Variants in C2CD2 observed in about 807,000 individuals in gnomAD.
C2CD2 encodes the protein C2 calcium dependent domain containing 2, also known as C2 domain-containing protein 2.
Under a neutral mutation model 74.3 loss-of-function variants are expected in C2CD2, and 43 were observed. That is an observed-to-expected ratio of 0.58 (90% CI 0.45 to 0.75). The LOEUF is 0.75. C2CD2 is among the 30% of genes least tolerant of loss of function. The probability of loss-of-function intolerance (pLI) is 0.00; values close to 1 mark genes in which losing one functional copy is unlikely to be tolerated. For missense variants in C2CD2, 801 were observed against 916.3 expected, an observed-to-expected ratio of 0.87 and a Z score of 1.63; for synonymous variants, 422 against 390.7, an observed-to-expected ratio of 1.08 and a Z score of -0.94.
At chr21:41,922,159 TCTTC>T in intron 2 of C2CD2, 74 bp from the exon 3 acceptor site, 3 of 776,790 alleles carry the variant, frequency 3.9e-6, no homozygotes, top group South Asian at 1.7e-5. Context: ...ATCTTCTTCT[TCTTC>T]TTTTTTTTTT....
At chr21:41,947,145 C>CCTCT (rs2065406984) in intron 1 of C2CD2, among the ~76,000 whole-genome samples, 5 of 20,114 alleles carry the variant, frequency 2.5e-4, no homozygotes, top group Non-Finnish European at 5.0e-4. Context: ...TCTCTCCCTC[C>CCTCT]CTCCCTCCCT....
In C2CD2 at chr21:41,945,729, G is replaced by A. The variant is rs1331621978; in HGVS notation, c.280-3484C>T. Among the ~76,000 whole-genome samples, 1 of 152,186 alleles carries A rather than the reference G, an allele frequency of 6.6e-6. No individual in the cohort carries two copies. The highest frequency in any genetic ancestry group is 1.5e-5 in the Non-Finnish European group (1 of 68,042). On this transcript the variant is annotated intron_variant, in intron 1 of 13. Transcript: ENST00000380486. The surrounding 1 kb of genome is among the most constrained non-coding windows in gnomAD (Gnocchi z 4.2). ...GTTCTCATATAGTGAGTTCTCACAA[G>A]ATCTGATGCTTTTCTAAGTGTTTGG...
chr21:41,941,859 A>G (rs1028146345), intron 2 of C2CD2, among the ~76,000 whole-genome samples: 2 of 152,174 alleles, frequency 1.3e-5, no homozygotes, highest in African/African-American at 4.8e-5. Context: ...GAACCACACA[A>G]TATGAGGTTT....
intron 1 of C2CD2, among the ~76,000 whole-genome samples, chr21:41,952,056 G>C (rs142524653): frequency 3.8e-4 from 58 of 152,272 alleles, no homozygotes; most frequent in African/African-American, 1.4e-3. Context: ...ACCTGCATTT[G>C]CTCCTGGATG....
At chr21:41,936,045 A>ATT (rs71274596) in intron 2 of C2CD2, among the ~76,000 whole-genome samples, 4 of 151,004 alleles carry the variant, frequency 2.6e-5, no homozygotes, top group South Asian at 2.1e-4. Context: ...TTGGGCAATG[A>ATT]TTTTTTTTTG....
intron 7 of C2CD2, among the ~76,000 whole-genome samples, chr21:41,910,350 T>G (rs2065012996): frequency 6.6e-6 from 1 of 152,204 alleles, no homozygotes; most frequent in South Asian, 2.1e-4. Flanking sequence ...CATATATCTT[T>G]GCACGCCGTG....
chr21:41,937,771 C>G (rs552729996), intron 2 of C2CD2, among the ~76,000 whole-genome samples: 19 of 152,250 alleles, frequency 1.2e-4, no homozygotes, highest in Non-Finnish European at 2.5e-4. Flanking sequence ...GAATATTAGC[C>G]TTAAAAATGA....
intron 1 of C2CD2, among the ~76,000 whole-genome samples, chr21:41,946,826 T>A (rs555144060): frequency 1.3e-5 from 2 of 152,146 alleles, no homozygotes; most frequent in East Asian, 3.9e-4. Context: ...GTAATCTCGC[T>A]CCAACCATAT....
chr21:41,904,835 T>C (rs1480349923), intron 11 of C2CD2, among the ~76,000 whole-genome samples: 4 of 152,182 alleles, frequency 2.6e-5, no homozygotes, highest in African/African-American at 9.7e-5. Context: ...GAAGCATCCA[T>C]TGCCCCTGAG....
Position 41,889,016 on chromosome 21 carries a change from C to T in C2CD2, c.*108G>A, listed in dbSNP as rs558890242. On this transcript the variant is annotated 3_prime_UTR_variant, in exon 14 of 14. Coordinates refer to ENST00000380486, the MANE Select transcript of C2CD2 (RefSeq NM_015500.2). Reference sequence around the variant, plus strand: ...GACGAGATGGTTGGAAGAAACCCAGCAAGACAAGCGGGGCATCTGGACATC... The same window carrying T: ...GACGAGATGGTTGGAAGAAACCCAGTAAGACAAGCGGGGCATCTGGACATC... The T allele has an allele frequency of 1.1e-3, 867 of 808,178 alleles. 17 individuals carry two copies. The South Asian group carries it at 0.013, about 12-fold the overall frequency. 50.1% of individuals were successfully genotyped at this position (808,178 alleles called of 1,614,324 possible).
intron 3 of C2CD2, among the ~76,000 whole-genome samples, chr21:41,920,788 T>C (rs1450822230): frequency 6.6e-6 from 1 of 152,250 alleles, no homozygotes; most frequent in Non-Finnish European, 1.5e-5. Flanking sequence ...TAAAATGGCA[T>C]GAATGCTTTG....
At chr21:41,932,466 G>A (rs2065271180) in intron 2 of C2CD2, among the ~76,000 whole-genome samples, 1 of 150,634 alleles carries the variant, frequency 6.6e-6, no homozygotes, top group African/African-American at 2.4e-5. Context: ...AAGAACGGGG[G>A]CAACCCGGAG....
rs1278927998 is a variant in C2CD2 at position 41,886,730 on chromosome 21, AT to A, written c.*2393del. On this transcript the variant is annotated 3_prime_UTR_variant, in exon 14 of 14. Coordinates refer to ENST00000380486, the MANE Select transcript of C2CD2 (RefSeq NM_015500.2). ...GCCGGCCTGGTGGCTCATGCCTATAATCCCAGCACGCTGGGAGGCCAAGGTG... is the reference window on the plus strand; with the variant it reads ...GCCGGCCTGGTGGCTCATGCCTATAACCCAGCACGCTGGGAGGCCAAGGTG... The A allele has an allele frequency of 6.6e-6, 1 of 151,986 alleles. No individual in the cohort carries two copies. 9.4% of individuals were successfully genotyped at this position (151,986 alleles called of 1,614,324 possible).
intron 13 of C2CD2, among the ~76,000 whole-genome samples, chr21:41,893,528 T>G (rs954285499): frequency 7.9e-5 from 12 of 152,296 alleles, no homozygotes; most frequent in Admixed American, 7.8e-4. Flanking sequence ...CTCCAGTCTG[T>G]TGTCTGTCCA....
chr21:41,907,086 G>A lies in C2CD2; in HGVS notation c.1224C>T (p.Arg408=), dbSNP rs1344904905. Residue 408 remains arginine, a synonymous_variant, in exon 10 of 14, where the codon CGC becomes CGT. Transcript: ENST00000380486. ...CCACAGTCCCACAGGGCATCACCGT[G>A]CGGTCCTTTTCTATTTTTGCAGCAG... ...PVPAAKIEKD[R]TVMPCGTVVT... 1.2e-6 allele frequency: 2 copies of A among 1,613,642 alleles called. No individual in the cohort carries two copies. The highest frequency in any genetic ancestry group is 2.2e-5 in the East Asian group (1 of 44,892).
In C2CD2 at chr21:41,886,965, C is replaced by T. The variant is rs894122520; in HGVS notation, c.*2159G>A. 24 of 151,710 alleles carry T rather than the reference C, an allele frequency of 1.6e-4. No homozygotes were observed. Among genetic ancestry groups the T allele is most frequent in the Admixed American group, 1.5e-3 (23 of 15,246 alleles). 9.4% of individuals were successfully genotyped at this position (151,710 alleles called of 1,614,324 possible). ...CAGCCTGGGCAACAGAGTGAAACTC[C>T]ATCTCGAAAAAAAAATTTTTTAAAT... On this transcript the variant is annotated 3_prime_UTR_variant, in exon 14 of 14. Transcript: ENST00000380486.
chr21:41,896,724 A>AAG (rs1555899690), intron 13 of C2CD2, among the ~76,000 whole-genome samples: 6 of 151,698 alleles, frequency 4.0e-5, no homozygotes, highest in Admixed American at 2.0e-4. Flanking sequence ...AAAAAAAAAA[A>AAG]AAAAACAAGC....
rs370449521 is a variant in C2CD2, at chr21:41,938,012, G to T, written c.378+4135C>A. 4.6e-5 allele frequency among the ~76,000 whole-genome samples: 7 copies of T among 152,198 alleles called. No homozygotes were observed. In the East Asian group the frequency reaches 1.2e-3, roughly 25 times the overall value. On this transcript the variant is annotated intron_variant, in intron 2 of 13. Coordinates refer to ENST00000380486, the MANE Select transcript of C2CD2 (RefSeq NM_015500.2). ...ACCAAATTTCATTTAGAAGGAACAC[G>T]TTCAAGAGACCTATTGCATACCGTG...
At position 41,953,636 on chromosome 21, in the gene C2CD2, G is replaced by GGGCCAT. The variant is rs768864922; in HGVS notation, c.7_12dup (p.Met3_Ala4dup). The GGGCCAT allele has an allele frequency of 5.5e-5, 81 of 1,477,616 alleles. No homozygotes were observed. The African/African-American group carries it at 1.0e-3, about 19-fold the overall frequency. 91.5% of individuals were successfully genotyped at this position (1,477,616 alleles called of 1,614,324 possible). ...GCCTCCCCGAGCCACGAGCCCAGCCGGGCCATGGCCATGGCGCATCCCCGG... is the reference window on the plus strand; with the variant it reads ...GCCTCCCCGAGCCACGAGCCCAGCCGGGCCATGGCCATGGCCATGGCGCATCCCCGG... On this transcript the variant is annotated inframe_insertion, in exon 1 of 14. Coordinates refer to ENST00000380486, the MANE Select transcript of C2CD2 (RefSeq NM_015500.2).
Sources: gnomAD v4.1 joint callset for allele counts (sites outside exome capture counted in the v4.1 genomes callset) on GRCh38, gnomAD v4.1.1 for gene constraint, Gnocchi (gnomAD v3.1) non-coding constraint, MANE v1.5 for transcripts, NCBI Gene and HGNC (gene_info 2026-07-23, HGNC 2026-07-21) for gene names.